The following EPB41 variants were observed in gnomAD, a reference collection of about 807,000 sequenced individuals.
EPB41 encodes protein 4.1.
EPB41 carries 65 observed loss-of-function variants against 108.0 expected under a neutral mutation model. The ratio of observed to expected loss-of-function variants is 0.60; its 90% confidence interval spans 0.49 to 0.74. EPB41 has a LOEUF of 0.74. Ranked by LOEUF, EPB41 falls within the 30% of genes least tolerant of loss-of-function variation. The pLI is 0.00. For synonymous variants in EPB41, 336 were observed against 358.9 expected (o/e 0.94, Z 0.72); for missense variants, 875 against 1,037.0 (o/e 0.84, Z 2.15).
At chr1:29,004,175 A>G (rs1041710673) in intron 4 of EPB41, among the ~76,000 whole-genome samples, 1 of 152,224 alleles carries the variant, frequency 6.6e-6, no homozygotes, top group Non-Finnish European at 1.5e-5. Context: ...TTATTAATGG[A>G]TCAAGGATTT....
intron 11 of EPB41, among the ~76,000 whole-genome samples, chr1:29,048,431 G>A (rs1643905182): frequency 1.3e-5 from 2 of 151,186 alleles, no homozygotes; most frequent in African/African-American, 2.4e-5. Context: ...GGCTGGTCTC[G>A]AACTCCTGAC....
chr1:29,060,772 C>T (rs1336494812), intron 15 of EPB41, among the ~76,000 whole-genome samples: 1 of 152,192 alleles, frequency 6.6e-6, no homozygotes, highest in Non-Finnish European at 1.5e-5. Context: ...GAAAATTCTA[C>T]ACCATTGCTA....
chr1:28,921,028 T>A (rs2093032427), intron 1 of EPB41, among the ~76,000 whole-genome samples: 1 of 152,206 alleles, frequency 6.6e-6, no homozygotes, highest in Non-Finnish European at 1.5e-5. Context: ...CTCAGCCACC[T>A]AAATAGCTGG....
intron 1 of EPB41, among the ~76,000 whole-genome samples, chr1:28,968,730 G>T (rs1026249562): frequency 1.3e-5 from 2 of 152,074 alleles, no homozygotes; most frequent in Admixed American, 6.6e-5. Context: ...TTGGGAGGCC[G>T]AGACGGGTGG....
rs546273316 is a variant in EPB41 at position 29,024,942 on chromosome 1, T to C, written c.1125-5458T>C. Among the ~76,000 whole-genome samples the C allele has an allele frequency of 7.6e-4, 115 of 152,076 alleles. 4 individuals carry two copies. Among genetic ancestry groups the C allele is most frequent in the African/African-American group, 2.7e-3 (112 of 41,350 alleles). ...AACCCTCACAAACCCAAAGGAACAA[T>C]TTAATTATGTCCAACAACATGGCAT... On this transcript the variant is annotated intron_variant, in intron 7 of 20. Coordinates refer to ENST00000343067, the MANE Select transcript of EPB41 (RefSeq NM_001376013.1).
At chr1:29,055,623 G>T (rs1208592758) in intron 12 of EPB41, among the ~76,000 whole-genome samples, 1 of 143,812 alleles carries the variant, frequency 7.0e-6, no homozygotes, top group Non-Finnish European at 1.5e-5. Flanking sequence ...AATTAAGGGT[G>T]ACTCTGAGCT....
chr1:29,092,447 G>A (rs529441824), intron 16 of EPB41, among the ~76,000 whole-genome samples: 1 of 152,208 alleles, frequency 6.6e-6, no homozygotes, highest in South Asian at 2.1e-4. Context: ...TATGGTCAAA[G>A]GCTCTTACCA....
intron 1 of EPB41, among the ~76,000 whole-genome samples, chr1:28,916,225 C>T (rs1189992291): frequency 6.6e-6 from 1 of 152,076 alleles, no homozygotes; most frequent in African/African-American, 2.4e-5. Flanking sequence ...CACCAGATTG[C>T]CTTAGAATCA....
chr1:28,943,019 T>A (rs1391671351), intron 1 of EPB41, among the ~76,000 whole-genome samples: 2 of 152,178 alleles, frequency 1.3e-5, no homozygotes, highest in East Asian at 3.9e-4. Flanking sequence ...ACATTTTGAT[T>A]CCATTGGGAA....
At chr1:28,955,688 G>A (rs1197525485) in intron 1 of EPB41, among the ~76,000 whole-genome samples, 1 of 152,064 alleles carries the variant, frequency 6.6e-6, no homozygotes, top group African/African-American at 2.4e-5. Flanking sequence ...TTTACTGAGT[G>A]GGTATAGGTG....
intron 4 of EPB41, among the ~76,000 whole-genome samples, chr1:29,002,993 C>A (rs536356035): frequency 7.9e-5 from 12 of 152,270 alleles, no homozygotes; most frequent in African/African-American, 2.9e-4. Context: ...CTTTAGGTTT[C>A]AGTTTGATTA....
At chr1:28,923,295 A>G (rs1329103335) in intron 1 of EPB41, among the ~76,000 whole-genome samples, 4 of 150,128 alleles carry the variant, frequency 2.7e-5, no homozygotes, top group African/African-American at 9.8e-5. Context: ...GGGTTTCACT[A>G]TGTTGGTCAG....
At chr1:29,074,417 T>G (rs1036612666) in intron 16 of EPB41, among the ~76,000 whole-genome samples, 1 of 152,204 alleles carries the variant, frequency 6.6e-6, no homozygotes, top group Admixed American at 6.6e-5. Context: ...ATTAATCTGT[T>G]TTGTGTGGCA....
Position 29,058,665 on chromosome 1 carries a change from T to C in EPB41, c.1902+20T>C. The C allele has an allele frequency of 6.2e-7, 1 of 1,610,648 alleles. No homozygotes were observed. The highest frequency in any genetic ancestry group is 8.5e-7 in the Non-Finnish European group (1 of 1,177,838). The stretch of plus-strand genomic sequence containing the variant: ...ACACAGGTTTGTGCCAATAGGCCAC[T>C]TGTTCCTCTTTCCCTCCACCCCCTC... On this transcript the variant is annotated intron_variant, in intron 13 of 20. Coordinates refer to ENST00000343067, the MANE Select transcript of EPB41 (RefSeq NM_001376013.1).
intron 4 of EPB41, among the ~76,000 whole-genome samples, chr1:29,011,454 C>T (rs944740125): frequency 6.6e-6 from 1 of 151,890 alleles, no homozygotes; most frequent in African/African-American, 2.4e-5. Flanking sequence ...TCAATTAATT[C>T]TGGTTGTAGC....
At position 28,947,194 on chromosome 1, in the gene EPB41, G is replaced by T. The variant is rs374026363; in HGVS notation, c.-8+32426G>T. On this transcript the variant is annotated intron_variant, in intron 1 of 20. Coordinates refer to ENST00000343067, the MANE Select transcript of EPB41 (RefSeq NM_001376013.1). ...GCACTTTAGGAAGCCAAGGCGGGTG[G>T]ATCACAAGGTCAAGACCATCCTGGC... Among the ~76,000 whole-genome samples the T allele has an allele frequency of 7.2e-5, 11 of 152,276 alleles. No individual in the cohort carries two copies. The East Asian group carries it at 1.9e-3, about 27-fold the overall frequency.
At chr1:29,067,477 CAG>C (rs1256273260) in intron 16 of EPB41, among the ~76,000 whole-genome samples, 1 of 102,364 alleles carries the variant, frequency 9.8e-6, no homozygotes, top group Non-Finnish European at 1.8e-5. Flanking sequence ...GCCTGGGCGA[CAG>C]AGCGAGACTC....
Position 29,026,816 on chromosome 1 carries a change from A to T in EPB41, c.1125-3584A>T, listed in dbSNP as rs542647176. ...AGCAAGACCTTGTCTCTTAAAAAAA[A>T]TTTTTTTTGGCTCACACCTTTAATC... On this transcript the variant is annotated intron_variant, in intron 7 of 20. Transcript: ENST00000343067. Among the ~76,000 whole-genome samples the T allele has an allele frequency of 3.8e-4, 57 of 151,658 alleles. 1 individual carries two copies. In the East Asian group the frequency reaches 4.3e-3, roughly 11 times the overall value.
intron 9 of EPB41, among the ~76,000 whole-genome samples, chr1:29,033,783 T>G (rs1638339172): frequency 6.6e-6 from 1 of 152,196 alleles, no homozygotes; most frequent in South Asian, 2.1e-4. Flanking sequence ...AATTTAACTT[T>G]TGTATTGAAG....
Sources: gnomAD v4.1 joint callset for allele counts (sites outside exome capture counted in the v4.1 genomes callset) on GRCh38, gnomAD v4.1.1 for gene constraint, MANE v1.5 for transcripts, NCBI Gene and HGNC (gene_info 2026-07-23, HGNC 2026-07-21) for gene names.